The following DYNC1H1 variants were observed in gnomAD, a reference collection of about 807,000 sequenced individuals.
DYNC1H1 encodes cytoplasmic dynein 1 heavy chain 1.
In DYNC1H1, 51 loss-of-function variants were observed where a neutral mutation model predicts 527.1. That is an observed-to-expected ratio of 0.10 (90% confidence interval 0.08 to 0.12). The LOEUF (loss-of-function observed/expected upper bound fraction) is 0.12. Among genes scored for constraint, DYNC1H1 ranks in the 10% least tolerant of loss-of-function variants. The pLI is 1.00. For missense variants in DYNC1H1, 2,771 were observed against 5,971.8 expected (o/e 0.46, Z 17.66); for synonymous variants, 2,189 against 2,278.8 (o/e 0.96, Z 1.12).
Position 102,012,753 on chromosome 14 carries a change from T to C in DYNC1H1, c.7014+283T>C. ...TTAACCCTGTATGGTGGGGTTGTCG[T>C]TAAGGTTTCTTAAGCTGTTATACAT... On this transcript the variant is annotated intron_variant, in intron 34 of 77. Coordinates refer to ENST00000360184, the MANE Select transcript of DYNC1H1 (RefSeq NM_001376.5). The surrounding 1 kb of genome is among the most constrained non-coding windows in gnomAD (Gnocchi z 4.9). 2.2e-6 allele frequency: 1 copy of C among 453,726 alleles called. No individual in the cohort carries two copies. The highest frequency in any genetic ancestry group is 4.0e-6 in the Non-Finnish European group (1 of 247,042). 28.1% of individuals were successfully genotyped at this position (453,726 alleles called of 1,614,324 possible).
chr14:101,969,194 T>C (rs551380026), intron 1 of DYNC1H1, among the ~76,000 whole-genome samples: 2 of 151,688 alleles, frequency 1.3e-5, no homozygotes, highest in East Asian at 3.9e-4. Flanking sequence ...ATTTTTTTTT[T>C]TTTTTTTAGT....
intron 44 of DYNC1H1, 50 bp downstream of exon 44, chr14:102,026,757 A>T: frequency 6.2e-7 from 1 of 1,600,902 alleles, no homozygotes; most frequent in Non-Finnish European, 8.5e-7. Flanking sequence ...GCTGCTCTTG[A>T]GTAAGTGTGT....
Position 102,050,700 on chromosome 14 carries a change from C to T in DYNC1H1, c.*137C>T, listed in dbSNP as rs1210262936. 15 of 1,395,144 alleles carry T rather than the reference C, an allele frequency of 1.1e-5. 1 individual carries two copies. The highest frequency in any genetic ancestry group is 8.6e-5 in the African/African-American group (6 of 69,848). 86.4% of individuals were successfully genotyped at this position (1,395,144 alleles called of 1,614,324 possible). A position where few individuals can be genotyped will look rare whatever the true frequency, so the allele number is the denominator to read the frequency against. Reference sequence around the variant, plus strand: ...TTGGAGGAAGCTGAATGGAATCTGACGGTTGGGAGTGGTGGAAATTGGAAG... The same window carrying T: ...TTGGAGGAAGCTGAATGGAATCTGATGGTTGGGAGTGGTGGAAATTGGAAG... On this transcript the variant is annotated 3_prime_UTR_variant, in exon 78 of 78. Coordinates refer to ENST00000360184, the MANE Select transcript of DYNC1H1 (RefSeq NM_001376.5).
At chr14:101,994,413 G>A in intron 12 of DYNC1H1, 89 bp downstream of exon 12, 1 of 1,581,458 alleles carries the variant, frequency 6.3e-7, no homozygotes, top group Non-Finnish European at 8.6e-7. Flanking sequence ...GAGCTAAAAG[G>A]TCTTGACTGT....
Position 102,015,092 on chromosome 14 carries a change from G to C in DYNC1H1, c.7015-13G>C, listed in dbSNP as rs1453843872. ...ACCTATGTCATTAAATCTGCTTAAT[G>C]TTTTCTTTCAAGGTGAGAATAATGT... On this transcript the variant is annotated splice_polypyrimidine_tract_variant and intron_variant, in intron 34 of 77. Coordinates refer to ENST00000360184, the MANE Select transcript of DYNC1H1 (RefSeq NM_001376.5). This position sits in a 1 kb window ranked among gnomAD's most constrained non-coding sequence, Gnocchi z 6.9. The C allele has an allele frequency of 1.2e-6, 2 of 1,614,084 alleles. No individual in the cohort carries two copies. Among genetic ancestry groups the C allele is most frequent in the Non-Finnish European group, 1.7e-6 (2 of 1,179,922 alleles).
At position 101,964,589 on chromosome 14, in the gene DYNC1H1, G is replaced by A; in HGVS notation, c.-103G>A. On this transcript the variant is annotated 5_prime_UTR_variant, in exon 1 of 78. Transcript: ENST00000360184. This position sits in a 1 kb window ranked among gnomAD's most constrained non-coding sequence, Gnocchi z 5.5. ...GCTCTCCTCAGTCTGCGGTGGGCTA[G>A]CGGACGGTCCGGCTTCCGGCGGCCG... 1 of 1,524,730 alleles carries A rather than the reference G, an allele frequency of 6.6e-7. No homozygotes were observed. The highest frequency in any genetic ancestry group is 2.0e-5 in the Admixed American group (1 of 50,660). 94.5% of individuals were successfully genotyped at this position (1,524,730 alleles called of 1,614,324 possible).
chr14:101,969,643 AAAAC>A (rs2047708640), intron 1 of DYNC1H1: 2 of 152,296 alleles, frequency 1.3e-5, no homozygotes. Context: ...TCAAAAGGAG[AAAAC>A]AAACCTAGCT....
At chr14:102,028,585 GT>G (rs2152589606) in intron 48 of DYNC1H1, 1 of 245,898 alleles carries the variant, frequency 4.1e-6, no homozygotes, top group African/African-American at 2.2e-5. Context: ...GGAAATACTT[GT>G]TTCTTACCTC....
intron 11 of DYNC1H1, among the ~76,000 whole-genome samples, chr14:101,993,938 G>A (rs987702696): frequency 6.6e-5 from 10 of 152,158 alleles, no homozygotes; most frequent in African/African-American, 2.4e-4. Context: ...ATGGCTTCGT[G>A]CACTTTTCAG....
intron 1 of DYNC1H1, among the ~76,000 whole-genome samples, chr14:101,973,761 G>GC (rs2069470044): frequency 6.6e-6 from 1 of 152,186 alleles, no homozygotes; most frequent in Non-Finnish European, 1.5e-5. Flanking sequence ...GTGTGATGAA[G>GC]CCACTGCGTT....
At position 101,991,629 on chromosome 14, in the gene DYNC1H1, A is replaced by T; in HGVS notation, c.2971A>T (p.Met991Leu). ...KLYQEMFAWK[M>L]VVLSLPRIQS... is the part of the protein sequence containing the mutation. ...GTATCAGGAAATGTTTGCCTGGAAG[A>T]TGGTTGTACTGTCTCTCCCCAGGAT... Residue 991 changes from methionine (M) to leucine (L), a missense_variant, in exon 11 of 78, where the codon ATG becomes TTG. Around this residue, in one of 32 missense-constraint regions of DYNC1H1, gnomAD observed 179 missense variants for 349.4 expected, o/e 0.51. Transcript: ENST00000360184. The T allele has an allele frequency of 6.2e-7, 1 of 1,614,178 alleles. No individual in the cohort carries two copies. Among genetic ancestry groups the T allele is most frequent in the Non-Finnish European group, 8.5e-7 (1 of 1,180,014 alleles).
chr14:102,035,746 A>G (rs1004213489), intron 56 of DYNC1H1: 1 of 152,400 alleles, frequency 6.6e-6, no homozygotes, highest in Non-Finnish European at 1.5e-5. Context: ...ACACTGACAC[A>G]TGTGTCTGTA....
rs75798275 is a variant in DYNC1H1 at position 102,048,074 on chromosome 14, G to A, written c.13218+46G>A. The A allele has an allele frequency of 1.6e-3, 2,468 of 1,573,086 alleles. 36 individuals carry two copies. The African/African-American group carries it at 0.031, about 20-fold the overall frequency. ...CCGGCCAGGTCTCAAGGTCCCAGGT[G>A]CTGGGTATGGTCATGGACCATTGTT... is the stretch of plus-strand genomic sequence containing the variant. On this transcript the variant is annotated intron_variant, in intron 73 of 77. Coordinates refer to ENST00000360184, the MANE Select transcript of DYNC1H1 (RefSeq NM_001376.5).
At position 102,026,690 on chromosome 14, in the gene DYNC1H1, C is replaced by T. The variant is rs758989267; in HGVS notation, c.8754C>T (p.His2918=). 1.3e-5 allele frequency: 21 copies of T among 1,613,986 alleles called. No individual in the cohort carries two copies. The Admixed American group carries it at 2.0e-4, about 15-fold the overall frequency. The stretch of plus-strand genomic sequence containing the variant: ...TGCTGTTTAATGAAGTCCTAGACCA[C>T]GTGCTGAGGATTGACAGGTGGGCTT... The part of the protein sequence containing the change: ...PLVLFNEVLD[H]VLRIDRIFRQ... Residue 2918 remains histidine, a synonymous_variant, in exon 44 of 78, where the codon CAC becomes CAT. Transcript: ENST00000360184.
At chr14:102,000,851 G>T in intron 18 of DYNC1H1, 103 bp from the exon 19 acceptor site, 2 of 1,049,240 alleles carry the variant, frequency 1.9e-6, no homozygotes, top group Non-Finnish European at 3.0e-6. Flanking sequence ...GGGATTACAG[G>T]CATGAGCCAC....
At position 102,001,783 on chromosome 14, in the gene DYNC1H1, A is replaced by G. The variant is rs2048133581; in HGVS notation, c.4542+102A>G. 18 of 1,520,472 alleles carry G rather than the reference A, an allele frequency of 1.2e-5. No individual in the cohort carries two copies. Among genetic ancestry groups the G allele is most frequent in the Non-Finnish European group, 1.5e-5 (17 of 1,109,378 alleles). 94.2% of individuals were successfully genotyped at this position (1,520,472 alleles called of 1,614,324 possible). A position where few individuals can be genotyped will look rare whatever the true frequency, so the allele number is the denominator to read the frequency against. On this transcript the variant is annotated intron_variant, in intron 21 of 77. Transcript: ENST00000360184. This position sits in a 1 kb window ranked among gnomAD's most constrained non-coding sequence, Gnocchi z 5.0. ...TTACTAGGTACCTGTTTTTTATTGT[A>G]TTTTTTGAGACAGGGTCTCACTCTG...
chr14:102,001,827 A>G lies in DYNC1H1; in HGVS notation c.4542+146A>G, dbSNP rs926571208. On this transcript the variant is annotated intron_variant, in intron 21 of 77. Transcript: ENST00000360184. This position sits in a 1 kb window ranked among gnomAD's most constrained non-coding sequence, Gnocchi z 5.0. ...CACTCTGTCTCCCACGCTGGAGTGC[A>G]GTGGCACCATCACAGCTCACTGCTG... 8.6e-7 allele frequency: 1 copy of G among 1,159,854 alleles called. No homozygotes were observed. Among genetic ancestry groups the G allele is most frequent in the African/African-American group, 1.5e-5 (1 of 65,408 alleles). The allele number at this position is 1,159,854 out of a possible 1,614,324, so 71.8% of individuals were successfully genotyped here. A position where few individuals can be genotyped will look rare whatever the true frequency, so the allele number is the denominator to read the frequency against.
chr14:102,048,101 C>T, intron 73 of DYNC1H1, 73 bp downstream of exon 73: 2 of 1,522,622 alleles, frequency 1.3e-6, no homozygotes, highest in Non-Finnish European at 1.8e-6. Context: ...ACCATTGTTC[C>T]ATGGACCATT....
rs1188534905 is a variant in DYNC1H1 at position 102,049,351 on chromosome 14, C to T, written c.13373-89C>T. 1 of 1,593,914 alleles carries T rather than the reference C, an allele frequency of 6.3e-7. No homozygotes were observed. Among genetic ancestry groups the T allele is most frequent in the Non-Finnish European group, 8.5e-7 (1 of 1,171,858 alleles). On this transcript the variant is annotated intron_variant, in intron 74 of 77. Coordinates refer to ENST00000360184, the MANE Select transcript of DYNC1H1 (RefSeq NM_001376.5). This position sits in a 1 kb window ranked among gnomAD's most constrained non-coding sequence, Gnocchi z 5.5. Reference sequence around the variant, plus strand: ...GCCGCCAGCCGCCTGTGTGGGCAGCCAGGATGCCTAGCACTTGCACATTTG... The same window carrying T: ...GCCGCCAGCCGCCTGTGTGGGCAGCTAGGATGCCTAGCACTTGCACATTTG...
Sources: gnomAD v4.1 joint callset for allele counts (sites outside exome capture counted in the v4.1 genomes callset) on GRCh38, gnomAD v4.1.1 for gene constraint, gnomAD v4.1.1 regional missense constraint, Gnocchi (gnomAD v3.1) non-coding constraint, MANE v1.5 for transcripts, NCBI Gene and HGNC (gene_info 2026-07-23, HGNC 2026-07-21) for gene names.